PRKDC: variants seen among roughly 807,000 people sequenced by gnomAD.
The protein encoded by PRKDC is protein kinase, DNA-activated, catalytic subunit.
A neutral mutation model predicts 486.9 loss-of-function variants in PRKDC; 82 were observed. The observed-to-expected ratio is 0.17, with a 90% CI of 0.14 to 0.20. The LOEUF is 0.20. Among genes scored for constraint, PRKDC ranks in the 10% least tolerant of loss-of-function variants. The pLI is 1.00. For missense variants in PRKDC, 4,504 were observed against 5,038.2 expected, an observed-to-expected ratio of 0.89 and a Z score of 3.21; for synonymous variants, 1,895 against 1,837.0, an observed-to-expected ratio of 1.03 and a Z score of -0.81.
At chr8:47,859,818 T>C in intron 45 of PRKDC, 59 bp from the exon 46 acceptor site, 4 of 1,443,056 alleles carry the variant, frequency 2.8e-6, no homozygotes, top group Non-Finnish European at 3.8e-6. Context: ...AAGAAATGTA[T>C]TTCTCTAAAT....
In PRKDC at chr8:47,819,995, G is replaced by A. The variant is rs2087549235; in HGVS notation, c.9337-485C>T. Among the ~76,000 whole-genome samples, 3 of 152,260 alleles carry A rather than the reference G, an allele frequency of 2.0e-5. No homozygotes were observed. The South Asian group carries it at 6.2e-4, about 32-fold the overall frequency. On this transcript the variant is annotated intron_variant, in intron 66 of 85. Coordinates refer to ENST00000314191, the MANE Select transcript of PRKDC (RefSeq NM_006904.7). ...GACATTCACTTACAAACAAACAACTGTCAGGAAAAGATTCGCAGAAAAGCA... is the reference window on the plus strand; with the variant it reads ...GACATTCACTTACAAACAAACAACTATCAGGAAAAGATTCGCAGAAAAGCA...
At chr8:47,888,819 A>C (rs1181901516) in intron 33 of PRKDC, among the ~76,000 whole-genome samples, 169 bp from the exon 34 acceptor site, 1 of 152,320 alleles carries the variant, frequency 6.6e-6, no homozygotes, top group East Asian at 1.9e-4. Flanking sequence ...ACCATGTCTG[A>C]AGTTTGCTTA....
At chr8:47,877,690 A>T in intron 40 of PRKDC, 34 bp downstream of exon 40, 1 of 1,525,394 alleles carries the variant, frequency 6.6e-7, no homozygotes, top group Non-Finnish European at 8.8e-7. Context: ...TGAAATGCGT[A>T]TGGTTCCTGA....
chr8:47,915,516 AT>A, intron 22 of PRKDC, 98 bp from the exon 23 acceptor site: 4 of 703,048 alleles, frequency 5.7e-6, no homozygotes, highest in Non-Finnish European at 6.8e-6. Flanking sequence ...TTGGATGTCC[AT>A]TTCCTAGAAC....
chr8:47,905,299 G>T (rs974395004), intron 25 of PRKDC, among the ~76,000 whole-genome samples: 2 of 152,092 alleles, frequency 1.3e-5, no homozygotes, highest in African/African-American at 4.8e-5. Context: ...AACGTGCAGG[G>T]ATTACAGGTA....
At chr8:47,831,364 A>C (rs2087868696) in intron 60 of PRKDC, among the ~76,000 whole-genome samples, 1 of 152,172 alleles carries the variant, frequency 6.6e-6, no homozygotes, top group Non-Finnish European at 1.5e-5. Context: ...CCCTTCTTAC[A>C]AATGCATCCT....
chr8:47,790,510 T>C (rs1470793612), intron 74 of PRKDC, among the ~76,000 whole-genome samples: 1 of 152,114 alleles, frequency 6.6e-6, no homozygotes, highest in Non-Finnish European at 1.5e-5. Flanking sequence ...GTCAACACAA[T>C]CCTTATCAAA....
intron 51 of PRKDC, among the ~76,000 whole-genome samples, chr8:47,853,406 A>G (rs1563767664): frequency 6.6e-6 from 1 of 152,224 alleles, no homozygotes; most frequent in Non-Finnish European, 1.5e-5. Flanking sequence ...AGGACCAAAC[A>G]GAGAGAGTGA....
At chr8:47,831,126 A>AG (rs1474752196) in intron 60 of PRKDC, among the ~76,000 whole-genome samples, 1 of 152,164 alleles carries the variant, frequency 6.6e-6, no homozygotes, top group Non-Finnish European at 1.5e-5. Flanking sequence ...GCAGCTGCAG[A>AG]GCCCAAAGCT....
In PRKDC at chr8:47,777,603, A is replaced by G. The variant is rs2086628033; in HGVS notation, c.12042+83T>C. On this transcript the variant is annotated intron_variant, in intron 84 of 85. Coordinates refer to ENST00000314191, the MANE Select transcript of PRKDC (RefSeq NM_006904.7). ...TATTTTCATCAACATGACTCAATGC[A>G]CTTCCATCATACACGAGAGATACCA... The G allele has an allele frequency of 2.3e-6, 3 of 1,292,796 alleles. No homozygotes were observed. In the African/African-American group the frequency reaches 4.5e-5, roughly 19 times the overall value. 80.1% of individuals were successfully genotyped at this position (1,292,796 alleles called of 1,614,324 possible). A position where few individuals can be genotyped will look rare whatever the true frequency, so the allele number is the denominator to read the frequency against.
chr8:47,893,917 T>C (rs577845702), intron 30 of PRKDC, among the ~76,000 whole-genome samples: 4 of 152,340 alleles, frequency 2.6e-5, no homozygotes, highest in African/African-American at 7.2e-5. Context: ...CTGAAATCAG[T>C]AGCACTGAAA....
At chr8:47,882,931 T>C (rs1405659157) in intron 36 of PRKDC, among the ~76,000 whole-genome samples, 1 of 152,228 alleles carries the variant, frequency 6.6e-6, no homozygotes, top group African/African-American at 2.4e-5. Flanking sequence ...CCTCTAAGCC[T>C]ATCAGGTCTA....
Position 47,939,563 on chromosome 8 carries a change from TC to T in PRKDC, c.1100del (p.Gly367AspfsTer10). 1 of 1,613,058 alleles carries T rather than the reference TC, an allele frequency of 6.2e-7. No individual in the cohort carries two copies. Among genetic ancestry groups the T allele is most frequent in the Non-Finnish European group, 8.5e-7 (1 of 1,179,566 alleles). On this transcript the variant is annotated frameshift_variant, in exon 11 of 86. Transcript: ENST00000314191. LOFTEE classifies it high-confidence loss of function. ...KELSIAIRGY[G>X]LFAGPCKVIN... ...TAATGAGACATACTCCTGCAAAAAG[TC>T]CATATCCACGGATAGCAATAGATAA...
intron 84 of PRKDC, 53 bp downstream of exon 84, chr8:47,777,633 G>C: frequency 6.7e-7 from 1 of 1,487,868 alleles, no homozygotes; most frequent in Non-Finnish European, 9.1e-7. Flanking sequence ...ATACCAGCTT[G>C]ATCACGGGGA....
chr8:47,862,866 A>C (rs915626588), intron 42 of PRKDC, among the ~76,000 whole-genome samples: 1 of 152,198 alleles, frequency 6.6e-6, no homozygotes, highest in Non-Finnish European at 1.5e-5. Context: ...CTGATGAGGT[A>C]AGACAGCACC....
intron 68 of PRKDC, among the ~76,000 whole-genome samples, chr8:47,812,898 G>C (rs1333636488): frequency 6.6e-6 from 1 of 151,684 alleles, no homozygotes; most frequent in Non-Finnish European, 1.5e-5. Flanking sequence ...ATGAAAAAGG[G>C]GGTTCCCTCC....
chr8:47,866,185 C>A (rs1262171289), intron 40 of PRKDC, among the ~76,000 whole-genome samples: 1 of 151,246 alleles, frequency 6.6e-6, no homozygotes, highest in Admixed American at 6.6e-5. Context: ...AAAAAGAGGC[C>A]CTAGAGAGTT....
chr8:47,908,444 C>T (rs1459908383), intron 25 of PRKDC, among the ~76,000 whole-genome samples: 1 of 152,148 alleles, frequency 6.6e-6, no homozygotes, highest in Non-Finnish European at 1.5e-5. Context: ...AAGGTCAAAA[C>T]TATCAATACA....
At chr8:47,901,746 A>G (rs2089687089) in intron 27 of PRKDC, among the ~76,000 whole-genome samples, 1 of 151,634 alleles carries the variant, frequency 6.6e-6, no homozygotes, top group African/African-American at 2.4e-5. Flanking sequence ...GGTCTGGCAC[A>G]TCATTTTTTT....
Sources: allele counts gnomAD v4.1 joint callset (sites outside exome capture counted in the v4.1 genomes callset), GRCh38; gene constraint gnomAD v4.1.1; transcripts MANE v1.5; gene names NCBI Gene and HGNC (gene_info 2026-07-23, HGNC 2026-07-21).